AP4E1: variants seen among roughly 807,000 people sequenced by gnomAD.
AP4E1 encodes the protein adaptor related protein complex 4 subunit epsilon 1, also known as AP-4 complex subunit epsilon-1.
AP4E1 carries 56 observed loss-of-function variants against 128.2 expected under a neutral mutation model. The observed-to-expected ratio is 0.44, with a 90% CI of 0.35 to 0.55. The LOEUF is 0.55. AP4E1 is among the 20% of genes least tolerant of loss of function. The pLI is 0.00. For synonymous variants in AP4E1, 484 were observed against 473.1 expected, an observed-to-expected ratio of 1.02 and a Z score of -0.30; for missense variants, 1,324 against 1,307.7, an observed-to-expected ratio of 1.01 and a Z score of -0.19.
At chr15:50,986,150 T>C (rs2140917989) in intron 16 of AP4E1, among the ~76,000 whole-genome samples, 1 of 152,244 alleles carries the variant, frequency 6.6e-6, no homozygotes, top group African/African-American at 2.4e-5. Flanking sequence ...TTTTTGCACA[T>C]TGATTTTGTA....
At chr15:50,962,017 AAATACAATAC>A (rs56115825) in intron 14 of AP4E1, among the ~76,000 whole-genome samples, 11 of 150,856 alleles carry the variant, frequency 7.3e-5, no homozygotes, top group Non-Finnish European at 1.0e-4. Context: ...ATAAATAAAT[AAATACAATAC>A]AATACAATAC....
At chr15:50,923,796 C>A in intron 3 of AP4E1, 135 bp from the exon 4 acceptor site, 3 of 687,156 alleles carry the variant, frequency 4.4e-6, no homozygotes, top group Non-Finnish European at 7.8e-6. Flanking sequence ...GGTTTTTAAC[C>A]TTATATTTTG....
chr15:50,934,655 G>A lies in AP4E1; in HGVS notation c.901G>A (p.Glu301Lys), dbSNP rs937760553. The change falls in exon 8 of 21, where the codon GAA (glutamate) becomes AAA (lysine). Residue 301 changes from glutamate (E) to lysine (K), a missense_variant. Transcript: ENST00000261842. Reference sequence around the variant, plus strand: ...TGAATTAATGTATGATGTTCTTGATGAATCCTTACGAAGAGCTGAGTTAAA... The same window carrying A: ...TGAATTAATGTATGATGTTCTTGATAAATCCTTACGAAGAGCTGAGTTAAA... ...TSELMYDVLDESLRRAELNHN... is the reference protein window; with the variant it reads ...TSELMYDVLDKSLRRAELNHN... 6.2e-7 allele frequency: 1 copy of A among 1,608,808 alleles called. No homozygotes were observed. The highest frequency in any genetic ancestry group is 8.5e-7 in the Non-Finnish European group (1 of 1,175,820).
rs2064830969 is a variant in AP4E1, at chr15:50,993,574, GCTGGCATCAT to G, written c.2297_2306del (p.Leu766HisfsTer6). Reference sequence around the variant, plus strand: ...CTAAAGAGGAGAAAGAAAAGCAGCTGCTGGCATCATCATTATTTGTTGGTCTAGGATCAGA... The same window carrying G: ...CTAAAGAGGAGAAAGAAAAGCAGCTGCATTATTTGTTGGTCTAGGATCAGA... On this transcript the variant is annotated frameshift_variant, in exon 17 of 21. Coordinates refer to ENST00000261842, the MANE Select transcript of AP4E1 (RefSeq NM_007347.5). LOFTEE classifies it high-confidence loss of function. 6 of 1,614,056 alleles carry G rather than the reference GCTGGCATCAT, an allele frequency of 3.7e-6. No homozygotes were observed. Among genetic ancestry groups the G allele is most frequent in the South Asian group, 3.3e-5 (3 of 91,080 alleles).
Position 50,950,129 on chromosome 15 carries a change from A to T in AP4E1, c.1508A>T (p.Asn503Ile), listed in dbSNP as rs2064128240. 11 of 1,613,218 alleles carry T rather than the reference A, an allele frequency of 6.8e-6. No individual in the cohort carries two copies. The highest frequency in any genetic ancestry group is 1.3e-5 in the African/African-American group (1 of 75,036). ...TATCTCACTTTACTGGATATGGAAA[A>T]TGTGTTCTATCCACAGAGATTTCTT... Reference protein sequence around the residue: ...QSYLTLLDMENVFYPQRFLQV... With the variant: ...QSYLTLLDMEIVFYPQRFLQV... Residue 503 changes from asparagine (N) to isoleucine (I), a missense_variant, in exon 13 of 21, where the codon AAT becomes ATT. Coordinates refer to ENST00000261842, the MANE Select transcript of AP4E1 (RefSeq NM_007347.5).
At chr15:50,945,255 G>A (rs1188787296) in intron 10 of AP4E1, 10 of 784,572 alleles carry the variant, frequency 1.3e-5, no homozygotes, top group South Asian at 2.7e-5. Context: ...ATTTGACAGT[G>A]TAAGTAGTGT....
intron 16 of AP4E1, among the ~76,000 whole-genome samples, chr15:50,986,463 T>C (rs985938196): frequency 2.6e-5 from 4 of 152,322 alleles, no homozygotes; most frequent in Middle Eastern, 3.4e-3. Context: ...ATAGCTCTTA[T>C]TATTTTGAGA....
At chr15:50,947,193 A>G (rs112846901) in intron 10 of AP4E1, among the ~76,000 whole-genome samples, 2,807 of 152,220 alleles carry the variant, frequency 0.018, 106 homozygotes, top group African/African-American at 0.064. Flanking sequence ...AGGTGGGAGG[A>G]TCACTTGAGC....
intron 15 of AP4E1, among the ~76,000 whole-genome samples, chr15:50,977,263 A>G (rs1013547093): frequency 1.3e-5 from 2 of 152,126 alleles, no homozygotes; most frequent in Admixed American, 6.6e-5. Flanking sequence ...AGGGTTGGAT[A>G]GGGAAGGGGA....
intron 15 of AP4E1, among the ~76,000 whole-genome samples, chr15:50,969,065 A>G (rs181414915): frequency 1.3e-5 from 2 of 151,558 alleles, no homozygotes; most frequent in East Asian, 1.9e-4. Context: ...TTACATAGGT[A>G]AACTTGTATC....
chr15:50,969,266 T>C (rs2064442544), intron 15 of AP4E1, among the ~76,000 whole-genome samples: 1 of 152,222 alleles, frequency 6.6e-6, no homozygotes, highest in Non-Finnish European at 1.5e-5. Context: ...GGTATTTGGC[T>C]TTCTGTTCCT....
At chr15:50,985,046 C>T (rs545382733) in intron 16 of AP4E1, among the ~76,000 whole-genome samples, 2 of 152,178 alleles carry the variant, frequency 1.3e-5, no homozygotes, top group Non-Finnish European at 1.5e-5. Context: ...ATTTGCATTC[C>T]TCTGATAGCC....
At chr15:50,935,211 G>A (rs2063891637) in intron 8 of AP4E1, among the ~76,000 whole-genome samples, 1 of 151,990 alleles carries the variant, frequency 6.6e-6, no homozygotes, top group African/African-American at 2.4e-5. Context: ...AGAATTGCAG[G>A]GCATGGTGGG....
At chr15:50,924,507 A>G (rs1318806687) in intron 4 of AP4E1, among the ~76,000 whole-genome samples, 1 of 152,162 alleles carries the variant, frequency 6.6e-6, no homozygotes, top group Non-Finnish European at 1.5e-5. Context: ...TGATAATGAG[A>G]TGTAATTGAG....
chr15:50,973,619 A>T (rs936915111), intron 15 of AP4E1, among the ~76,000 whole-genome samples: 1 of 152,068 alleles, frequency 6.6e-6, no homozygotes, highest in Admixed American at 6.6e-5. Context: ...CCATTCCTCA[A>T]TCCTATGAAT....
intron 7 of AP4E1, 76 bp from the exon 8 acceptor site, chr15:50,934,548 A>T: frequency 3.2e-6 from 3 of 950,438 alleles, no homozygotes; most frequent in Non-Finnish European, 5.1e-6. Context: ...CCTCAGTTTT[A>T]AAGAGAAGTT....
At chr15:50,938,693 C>G (rs373590628) in intron 8 of AP4E1, among the ~76,000 whole-genome samples, 9 of 152,070 alleles carry the variant, frequency 5.9e-5, no homozygotes, top group African/African-American at 2.2e-4. Context: ...AACTTCCACT[C>G]CTGATCAGCG....
intron 16 of AP4E1, among the ~76,000 whole-genome samples, chr15:50,986,364 G>A (rs529498118): frequency 6.6e-5 from 10 of 152,318 alleles, no homozygotes; most frequent in Admixed American, 3.9e-4. Flanking sequence ...AGTGGTGAGA[G>A]AGGGCATCCC....
chr15:50,942,056 A>G (rs1446392389), intron 10 of AP4E1, among the ~76,000 whole-genome samples: 1 of 152,096 alleles, frequency 6.6e-6, no homozygotes, highest in African/African-American at 2.4e-5. Flanking sequence ...AGCTGGGATT[A>G]TAGGTGTGTG....
Sources: allele counts gnomAD v4.1 joint callset (sites outside exome capture counted in the v4.1 genomes callset), GRCh38; gene constraint gnomAD v4.1.1; transcripts MANE v1.5; gene names NCBI Gene and HGNC (gene_info 2026-07-23, HGNC 2026-07-21).